Variants in CADPS2 observed in about 807,000 individuals in gnomAD.
The protein encoded by CADPS2 is calcium dependent secretion activator 2, also known as calcium-dependent secretion activator 2.
A neutral mutation model predicts 172.5 loss-of-function variants in CADPS2; 93 were observed. The ratio of observed to expected loss-of-function variants is 0.54; its 90% CI spans 0.46 to 0.64. The LOEUF (loss-of-function observed/expected upper bound fraction) is 0.64, where lower values mean the gene tolerates loss of function less well. Among genes scored for constraint, CADPS2 ranks in the 30% least tolerant of loss-of-function variants. The pLI, the probability that CADPS2 is intolerant of heterozygous loss-of-function variation, is 0.00. For synonymous variants in CADPS2, 546 were observed against 555.2 expected (o/e 0.98, Z 0.23); for missense variants, 1,420 against 1,565.9 (o/e 0.91, Z 1.57).
At chr7:122,482,203 C>T (rs142082265) in intron 11 of CADPS2, among the ~76,000 whole-genome samples, 47 of 151,898 alleles carry the variant, frequency 3.1e-4, no homozygotes, top group African/African-American at 8.2e-4. Context: ...AGGAGGATGG[C>T]GATTAAAAAA....
intron 1 of CADPS2, among the ~76,000 whole-genome samples, chr7:122,801,283 C>T (rs549192733): frequency 3.3e-5 from 5 of 152,112 alleles, no homozygotes; most frequent in African/African-American, 1.2e-4. Context: ...AGAAATGCTG[C>T]AAAAATCCTA....
Position 122,736,988 on chromosome 7 carries a change from T to TA in CADPS2, c.419_420insT (p.Glu140AspfsTer12). The stretch of plus-strand genomic sequence containing the variant: ...AACTCCGAACTGCGTTGCAAAATGC[T>TA]TCGTCAGCTACAATTTGGGTTTCCC... On this transcript the variant is annotated frameshift_variant, in exon 2 of 30. Transcript: ENST00000449022. LOFTEE classifies it high-confidence loss of function. 1 of 1,612,010 alleles carries TA rather than the reference T, an allele frequency of 6.2e-7. No individual in the cohort carries two copies. Among genetic ancestry groups the TA allele is most frequent in the South Asian group, 1.1e-5 (1 of 91,030 alleles).
chr7:122,375,426 A>G (rs1427273479), intron 25 of CADPS2, among the ~76,000 whole-genome samples: 1 of 152,206 alleles, frequency 6.6e-6, no homozygotes, highest in Admixed American at 6.5e-5. Flanking sequence ...CAGAGAGCTC[A>G]GAAATAAACC....
chr7:122,803,383 T>G (rs934250676), intron 1 of CADPS2, among the ~76,000 whole-genome samples: 5 of 152,222 alleles, frequency 3.3e-5, no homozygotes, highest in Non-Finnish European at 4.4e-5. Context: ...CCCTAAATTC[T>G]CACCCTGCTG....
chr7:122,363,873 G>T (rs1454446727), intron 25 of CADPS2, among the ~76,000 whole-genome samples: 1 of 152,148 alleles, frequency 6.6e-6, no homozygotes, highest in Non-Finnish European at 1.5e-5. Context: ...GAATGAGTTT[G>T]GTCCTTAAGC....
At chr7:122,696,215 A>C (rs999569962) in intron 2 of CADPS2, among the ~76,000 whole-genome samples, 54 of 152,148 alleles carry the variant, frequency 3.5e-4, no homozygotes, top group African/African-American at 1.2e-3. Flanking sequence ...TGGGGTCCTC[A>C]GTGTCCTCTC....
At chr7:122,747,970 C>T (rs1201855671) in intron 1 of CADPS2, among the ~76,000 whole-genome samples, 1 of 152,134 alleles carries the variant, frequency 6.6e-6, no homozygotes, top group African/African-American at 2.4e-5. Context: ...GTACCTCATA[C>T]ATACATCTGT....
chr7:122,761,233 A>T (rs1366836428), intron 1 of CADPS2, among the ~76,000 whole-genome samples: 1 of 152,198 alleles, frequency 6.6e-6, no homozygotes, highest in Non-Finnish European at 1.5e-5. Flanking sequence ...ACTGAAAAGG[A>T]AAGAATTAAG....
At chr7:122,821,372 C>T (rs1183181365) in intron 1 of CADPS2, among the ~76,000 whole-genome samples, 2 of 152,186 alleles carry the variant, frequency 1.3e-5, no homozygotes, top group African/African-American at 2.4e-5. Flanking sequence ...AATAACTTCT[C>T]AGTGTTCCAT....
At chr7:122,415,964 T>C (rs928602146) in intron 18 of CADPS2, 97 bp downstream of exon 18, 5 of 605,734 alleles carry the variant, frequency 8.3e-6, no homozygotes, top group African/African-American at 7.3e-5. Context: ...TGTTCAGATA[T>C]GTATCAAGAC....
rs557638327 is a variant in CADPS2, at chr7:122,664,504, G to T, written c.454-935C>A. On this transcript the variant is annotated intron_variant, in intron 2 of 29. Transcript: ENST00000449022. ...CAAGGGTTGGGTAAAAATAAGTACA[G>T]TAATAAGGTCATATTTGGGAAGAGA... Among the ~76,000 whole-genome samples, 3 of 152,266 alleles carry T rather than the reference G, an allele frequency of 2.0e-5. No individual in the cohort carries two copies. The East Asian group carries it at 5.8e-4, about 29-fold the overall frequency.
At chr7:122,402,542 A>C (rs1341283021) in intron 20 of CADPS2, among the ~76,000 whole-genome samples, 1 of 152,210 alleles carries the variant, frequency 6.6e-6, no homozygotes, top group Admixed American at 6.5e-5. Context: ...AATCTAAGGA[A>C]GATAAGAAAC....
chr7:122,723,016 T>C (rs961295739), intron 2 of CADPS2, among the ~76,000 whole-genome samples: 3 of 152,048 alleles, frequency 2.0e-5, no homozygotes, highest in Admixed American at 2.0e-4. Context: ...TTACACCTTA[T>C]ACAAAAATTA....
intron 8 of CADPS2, among the ~76,000 whole-genome samples, chr7:122,551,280 C>T (rs1409246959): frequency 1.3e-5 from 2 of 151,944 alleles, no homozygotes; most frequent in Non-Finnish European, 1.5e-5. Context: ...AAAGCTTACT[C>T]TCATTTGTAT....
At chr7:122,432,631 A>T (rs2050088658) in intron 17 of CADPS2, among the ~76,000 whole-genome samples, 1 of 142,666 alleles carries the variant, frequency 7.0e-6, no homozygotes, top group South Asian at 2.2e-4. Flanking sequence ...ACAAGGCAAG[A>T]CTCTGTTAAA....
intron 14 of CADPS2, among the ~76,000 whole-genome samples, chr7:122,465,088 A>G (rs1226912398): frequency 6.6e-6 from 1 of 152,188 alleles, no homozygotes; most frequent in Non-Finnish European, 1.5e-5. Flanking sequence ...CTTTGAAAAG[A>G]CCAATAAACT....
At chr7:122,545,949 A>G (rs1459010057) in intron 8 of CADPS2, among the ~76,000 whole-genome samples, 1 of 152,172 alleles carries the variant, frequency 6.6e-6, no homozygotes, top group Non-Finnish European at 1.5e-5. Flanking sequence ...AAATAACCAG[A>G]GGCATTAAAA....
chr7:122,797,962 A>G (rs957190766), intron 1 of CADPS2, among the ~76,000 whole-genome samples: 1 of 151,858 alleles, frequency 6.6e-6, no homozygotes, highest in Non-Finnish European at 1.5e-5. Flanking sequence ...TGAGTTATAC[A>G]TGTTTATTTA....
At chr7:122,811,345 A>G (rs1261985295) in intron 1 of CADPS2, among the ~76,000 whole-genome samples, 2 of 152,128 alleles carry the variant, frequency 1.3e-5, no homozygotes, top group Non-Finnish European at 2.9e-5. Context: ...TTCTGTCCCT[A>G]TTTCCTAATC....
Sources: gnomAD v4.1 joint callset for allele counts (sites outside exome capture counted in the v4.1 genomes callset) on GRCh38, gnomAD v4.1.1 for gene constraint, MANE v1.5 for transcripts, NCBI Gene and HGNC (gene_info 2026-07-23, HGNC 2026-07-21) for gene names.